Variants in MROH1 observed in about 807,000 individuals in gnomAD.
MROH1 encodes the protein maestro heat-like repeat-containing protein family member 1.
MROH1 carries 117 observed loss-of-function variants against 116.5 expected under a neutral mutation model. The ratio of observed to expected loss-of-function variants is 1.00; its 90% CI spans 0.86 to 1.17. The LOEUF (loss-of-function observed/expected upper bound fraction) is 1.17, where lower values mean the gene tolerates loss of function less well. MROH1 is among the 50% of genes most tolerant of loss of function. MROH1 has a pLI of 0.00. For synonymous variants in MROH1, 921 were observed against 583.9 expected, an observed-to-expected ratio of 1.58 and a Z score of -8.32; for missense variants, 1,873 against 1,338.5, an observed-to-expected ratio of 1.40 and a Z score of -6.23.
chr8:144,175,864 C>T (rs1823768159), intron 4 of MROH1, among the ~76,000 whole-genome samples: 1 of 152,098 alleles, frequency 6.6e-6, no homozygotes, highest in South Asian at 2.1e-4. Flanking sequence ...ACCTGGCCAA[C>T]ATGGTGAAAC....
At chr8:144,242,727 GGAGCT>G in intron 24 of MROH1, 99 bp downstream of exon 24, 1 of 714,922 alleles carries the variant, frequency 1.4e-6, no homozygotes. Flanking sequence ...GGGGGAGCTT[GGAGCT>G]TGCTGGGGCT....
Position 144,195,217 on chromosome 8 carries a change from A to AAAAAAAAAT in MROH1, c.948+2818_948+2819insAAAAAATAA, listed in dbSNP as rs1175557751. On this transcript the variant is annotated intron_variant, in intron 10 of 43. Coordinates refer to ENST00000326134, the MANE Select transcript of MROH1 (RefSeq NM_032450.3). ...CTTTAAAAAAAAAAAAAAAAAAAAA[A>AAAAAAAAAT]AAGGCCGAGTGCCATGGCTCATGCC... 7.8e-5 allele frequency among the ~76,000 whole-genome samples: 11 copies of AAAAAAAAAT among 141,046 alleles called. 1 individual carries two copies. The highest frequency in any genetic ancestry group is 5.1e-4 in the Admixed American group (7 of 13,818). 92.5% of individuals were successfully genotyped at this position (141,046 alleles called of 152,430 possible). A position where few individuals can be genotyped will look rare whatever the true frequency, so the allele number is the denominator to read the frequency against.
chr8:144,205,691 T>G (rs1246759321), intron 12 of MROH1, among the ~76,000 whole-genome samples: 2 of 152,122 alleles, frequency 1.3e-5, no homozygotes, highest in African/African-American at 4.8e-5. Flanking sequence ...AGAGACCTTG[T>G]TTTTCAGTCA....
chr8:144,225,743 A>T (rs563605368), intron 14 of MROH1, among the ~76,000 whole-genome samples: 1 of 150,988 alleles, frequency 6.6e-6, no homozygotes, highest in East Asian at 2.0e-4. Flanking sequence ...AATTTTTAGT[A>T]GACACAGAGT....
intron 8 of MROH1, among the ~76,000 whole-genome samples, chr8:144,191,253 A>G (rs776133431): frequency 2.6e-5 from 4 of 152,102 alleles, no homozygotes; most frequent in Non-Finnish European, 5.9e-5. Flanking sequence ...TATTTTTAGT[A>G]GAGATGAGGT....
In MROH1 at chr8:144,241,522, G is replaced by A; in HGVS notation, c.2178+5G>A. On this transcript the variant is annotated splice_donor_5th_base_variant and intron_variant, in intron 22 of 43. Coordinates refer to ENST00000326134, the MANE Select transcript of MROH1 (RefSeq NM_032450.3). ...GGCATTCTCAACATTTTTAAGGTTAGGGTGACACCGGTGCAGGGCTGGGGA... is the reference window on the plus strand; with the variant it reads ...GGCATTCTCAACATTTTTAAGGTTAAGGTGACACCGGTGCAGGGCTGGGGA... The A allele has an allele frequency of 1.3e-6, 1 of 778,340 alleles. No individual in the cohort carries two copies. Among genetic ancestry groups the A allele is most frequent in the Non-Finnish European group, 2.4e-6 (1 of 417,574 alleles). The allele number at this position is 778,340 out of a possible 1,614,324, so 48.2% of individuals were successfully genotyped here.
At chr8:144,151,514 C>A (rs1816785916) in intron 1 of MROH1, among the ~76,000 whole-genome samples, 3 of 152,208 alleles carry the variant, frequency 2.0e-5, no homozygotes, top group Admixed American at 2.0e-4. Context: ...CATCTCCTTT[C>A]TGGCTCCCCC....
intron 24 of MROH1, 67 bp from the exon 25 acceptor site, chr8:144,243,427 G>A (rs1451752972): frequency 2.6e-6 from 2 of 768,018 alleles, no homozygotes; most frequent in Admixed American, 1.7e-5. Flanking sequence ...GAAAGAAAAG[G>A]GGGTATGCGC....
At chr8:144,208,319 T>C (rs2132040926) in intron 12 of MROH1, among the ~76,000 whole-genome samples, 2 of 152,338 alleles carry the variant, frequency 1.3e-5, no homozygotes, top group East Asian at 1.9e-4. Flanking sequence ...CTCCATTGAA[T>C]TGCTTCTGTG....
At chr8:144,250,457 C>T (rs1842667500) in intron 33 of MROH1, 91 bp downstream of exon 33, 1 of 702,328 alleles carries the variant, frequency 1.4e-6, no homozygotes, top group Non-Finnish European at 2.6e-6. Context: ...CGGCTCTGCA[C>T]CCCGACTTTC....
chr8:144,159,217 G>A (rs941224333), intron 1 of MROH1, among the ~76,000 whole-genome samples: 7 of 152,182 alleles, frequency 4.6e-5, no homozygotes, highest in Admixed American at 3.9e-4. Flanking sequence ...AATTAGCCAG[G>A]TATGGTGGCC....
At chr8:144,153,400 T>A (rs991078045) in intron 1 of MROH1, among the ~76,000 whole-genome samples, 109 of 152,222 alleles carry the variant, frequency 7.2e-4, no homozygotes, top group Non-Finnish European at 1.5e-3. Context: ...TTTCACCATG[T>A]TGGCCAGTCT....
At position 144,163,721 on chromosome 8, in the gene MROH1, A is replaced by C; in HGVS notation, c.-56-50A>C. On this transcript the variant is annotated intron_variant, in intron 2 of 43. Transcript: ENST00000326134. The surrounding 1 kb of genome is among the most constrained non-coding windows in gnomAD (Gnocchi z 4.4). ...GGAAATGGTAATTGCCTGTGAACTC[A>C]GATATCGTAGAGGCTTATGAATTAA... 1 of 1,118,990 alleles carries C rather than the reference A, an allele frequency of 8.9e-7. No homozygotes were observed. The allele number at this position is 1,118,990 out of a possible 1,614,324, so 69.3% of individuals were successfully genotyped here.
chr8:144,150,181 G>A (rs62530343), intron 1 of MROH1, among the ~76,000 whole-genome samples: 32 of 152,130 alleles, frequency 2.1e-4, no homozygotes, highest in Admixed American at 7.9e-4. Context: ...TGTGGCCGGA[G>A]GGCTTTCAAG....
In MROH1 at chr8:144,192,362, G is replaced by T. The variant is rs1318533048; in HGVS notation, c.909G>T (p.Glu303Asp). ...TGAGTGTGGGCAGCCGCACACTGGA[G>T]ACCCAGCTGGATGCCCTCTTGGCTG... is the stretch of plus-strand genomic sequence containing the variant. ...AAVSVGSRTL[E>D]TQLDALLAAL... The change falls in exon 10 of 44, where the codon GAG (glutamate) becomes GAT (aspartate). Residue 303 changes from glutamate (E) to aspartate (D), a missense_variant. Coordinates refer to ENST00000326134, the MANE Select transcript of MROH1 (RefSeq NM_032450.3). The T allele has an allele frequency of 1.9e-6, 3 of 1,599,142 alleles. No homozygotes were observed. The highest frequency in any genetic ancestry group is 2.0e-4 in the Middle Eastern group (1 of 4,886).
At chr8:144,158,718 T>G (rs967564560) in intron 1 of MROH1, among the ~76,000 whole-genome samples, 10 of 151,936 alleles carry the variant, frequency 6.6e-5, no homozygotes, top group African/African-American at 1.7e-4. Flanking sequence ...GAACATACTT[T>G]GTATGCATTG....
intron 7 of MROH1, among the ~76,000 whole-genome samples, chr8:144,188,489 A>T (rs1588019599): frequency 1.1e-4 from 4 of 35,820 alleles, no homozygotes; most frequent in Admixed American, 4.9e-4. Context: ...TTTTTTTTTG[A>T]GACAATCTCA....
At chr8:144,181,325 G>GAGGGGCCGGTGATGGGGA (rs1825656653) in intron 7 of MROH1, among the ~76,000 whole-genome samples, 2 of 152,044 alleles carry the variant, frequency 1.3e-5, no homozygotes, top group Non-Finnish European at 2.9e-5. Context: ...GGTGATGGGG[G>GAGGGGCCGGTGATGGGGA]AGGGGCCTGG....
At chr8:144,174,975 TCA>T in intron 4 of MROH1, 1 of 985,430 alleles carries the variant, frequency 1.0e-6, no homozygotes, top group Non-Finnish European at 1.2e-6. Flanking sequence ...GTCCCAGGAC[TCA>T]CTTCTCCCTA....
Sources: allele counts gnomAD v4.1 joint callset (sites outside exome capture counted in the v4.1 genomes callset), GRCh38; gene constraint gnomAD v4.1.1; non-coding constraint Gnocchi (gnomAD v3.1); transcripts MANE v1.5; gene names NCBI Gene and HGNC (gene_info 2026-07-23, HGNC 2026-07-21).